TRIM43B: variants seen among roughly 807,000 people sequenced by gnomAD.
The protein encoded by TRIM43B is tripartite motif-containing protein 43B.
Under a neutral mutation model 27.0 loss-of-function variants are expected in TRIM43B, and 15 were observed. The ratio of observed to expected loss-of-function variants is 0.55; its 90% CI spans 0.37 to 0.85. The LOEUF is 0.85. Ranked by LOEUF, TRIM43B falls within the 40% of genes least tolerant of loss-of-function variation. The pLI is 0.00. For synonymous variants in TRIM43B, 69 were observed against 97.8 expected, an observed-to-expected ratio of 0.71 and a Z score of 1.74; for missense variants, 172 against 289.8, an observed-to-expected ratio of 0.59 and a Z score of 2.95.
exon 2 of TRIM43B, chr2:95,482,642 G>A (rs769206493): frequency 6.2e-7 from 1 of 1,613,686 alleles, no homozygotes; most frequent in Non-Finnish European, 8.5e-7. Context: ...ATGGTGACAG[G>A]GTCTACCAGG....
Position 95,481,552 on chromosome 2 carries a change from C to T in TRIM43B, c.507+43G>A, listed in dbSNP as rs764446981. On this transcript the variant is annotated intron_variant, in intron 3 of 6. Coordinates refer to ENST00000639673, the Ensembl canonical transcript of TRIM43B. ...TGCTAATATAAATGTTGTCAGCATG[C>T]CTGTCTCAAGCTGGTCAGGAGGACT... is the stretch of plus-strand genomic sequence containing the variant. The T allele has an allele frequency of 9.4e-6, 14 of 1,482,838 alleles. No homozygotes were observed. In the South Asian group the frequency reaches 1.4e-4, roughly 15 times the overall value. The allele number at this position is 1,482,838 out of a possible 1,614,324, so 91.9% of individuals were successfully genotyped here. A position where few individuals can be genotyped will look rare whatever the true frequency, so the allele number is the denominator to read the frequency against.
intron 3 of TRIM43B, among the ~76,000 whole-genome samples, 166 bp from the exon 4 acceptor site, chr2:95,480,701 A>G (rs1683506159): frequency 6.6e-6 from 1 of 152,046 alleles, no homozygotes; most frequent in South Asian, 2.1e-4. Context: ...ATCAATTCCC[A>G]AACACCTGCA....
exon 4 of TRIM43B, chr2:95,480,337 T>A (rs577958837): frequency 1.2e-6 from 2 of 1,609,554 alleles, no homozygotes; most frequent in Non-Finnish European, 1.7e-6. Flanking sequence ...TTATGACACA[T>A]TTCCATTAGT....
intron 1 of TRIM43B, among the ~76,000 whole-genome samples, chr2:95,483,422 T>G (rs1360880477): frequency 4.6e-5 from 7 of 150,766 alleles, no homozygotes; most frequent in Non-Finnish European, 8.9e-5. Context: ...TACAACATCT[T>G]TAAAAGACAG....
exon 3 of TRIM43B, chr2:95,481,597 T>G: frequency 1.9e-6 from 3 of 1,611,246 alleles, no homozygotes; most frequent in Non-Finnish European, 1.7e-6. Flanking sequence ...ATACTTACCC[T>G]CAAGAGGAAG....
At chr2:95,481,642 T>C (rs767059540) in exon 3 of TRIM43B, 15 of 1,612,852 alleles carry the variant, frequency 9.3e-6, no homozygotes, top group Non-Finnish European at 1.2e-5. Context: ...TTTCTCTGAT[T>C]TTCTTGAATC....
At position 95,480,570 on chromosome 2, in the gene TRIM43B, A is replaced by C. The variant is rs199595900; in HGVS notation, c.508-35T>G. ...TATGAATTTTGTAGGTTATATACCC[A>C]GGCCTACTTCCACCTCACAGAGCCC... On this transcript the variant is annotated intron_variant, in intron 3 of 6. Coordinates refer to ENST00000639673, the Ensembl canonical transcript of TRIM43B. The C allele has an allele frequency of 7.7e-3, 12,319 of 1,601,956 alleles. 83 individuals are homozygous for C. Among genetic ancestry groups the C allele is most frequent in the Non-Finnish European group, 9.0e-3 (10,567 of 1,175,268 alleles).
chr2:95,484,740 G>A (rs1341509137), upstream of TRIM43B: 1 of 151,530 alleles, frequency 6.6e-6, no homozygotes, highest in Non-Finnish European at 1.5e-5. Flanking sequence ...TACTCTGTGG[G>A]CTCTGGAGAA....
At chr2:95,481,722 C>CAA (rs2104401184) in intron 2 of TRIM43B, 32 bp from the exon 3 acceptor site, 1 of 1,599,624 alleles carries the variant, frequency 6.3e-7, no homozygotes, top group Non-Finnish European at 8.5e-7. Context: ...AACAGAAAGT[C>CAA]AAATACCAAA....
In TRIM43B at chr2:95,483,163, C is replaced by T. The variant is rs1211032463; in HGVS notation, c.-4-445G>A. Reference sequence around the variant, plus strand: ...ATTTTATTTAACTATAACAACCATCCATAATGACTTTTCCAGAAGGACATT... The same window carrying T: ...ATTTTATTTAACTATAACAACCATCTATAATGACTTTTCCAGAAGGACATT... On this transcript the variant is annotated intron_variant, in intron 1 of 6. Coordinates refer to ENST00000639673, the Ensembl canonical transcript of TRIM43B. Among the ~76,000 whole-genome samples the T allele has an allele frequency of 1.3e-5, 2 of 152,072 alleles. 1 individual carries two copies. Among genetic ancestry groups the T allele is most frequent in the African/African-American group, 4.8e-5 (2 of 41,412 alleles).
intron 1 of TRIM43B, among the ~76,000 whole-genome samples, chr2:95,484,207 A>G (rs1361197527): frequency 6.6e-6 from 1 of 151,094 alleles, no homozygotes; most frequent in Non-Finnish European, 1.5e-5. Flanking sequence ...CGTCTCTACT[A>G]AAAAAAATAC....
rs1484907578 is a variant in TRIM43B, at chr2:95,480,964, T to A, written c.508-429A>T. On this transcript the variant is annotated intron_variant, in intron 3 of 6. Coordinates refer to ENST00000639673, the Ensembl canonical transcript of TRIM43B. ...CTTAGTAAAAAATTTAACCCCCATC[T>A]CTCAAACCGACTACCTCTTTTCTGT... 2.6e-5 allele frequency among the ~76,000 whole-genome samples: 4 copies of A among 152,066 alleles called. No individual in the cohort carries two copies. The East Asian group carries it at 7.7e-4, about 29-fold the overall frequency.
In TRIM43B at chr2:95,479,424, G is replaced by GA; in HGVS notation, c.739-17dup. ...CTCCCAAATCCTGTAGAGAGAGAGA[G>GA]AAAAAAAAAATGACTTCTTTAGAAA... On this transcript the variant is annotated splice_polypyrimidine_tract_variant and intron_variant, in intron 4 of 6. Transcript: ENST00000639673. 0.013 allele frequency: 1 copy of GA among 78 alleles called. No homozygotes were observed. The highest frequency in any genetic ancestry group is 0.017 in the Non-Finnish European group (1 of 60). 0.0% of individuals were successfully genotyped at this position (78 alleles called of 1,614,324 possible).
At chr2:95,480,050 CCA>C (rs1329172213) in intron 4 of TRIM43B, among the ~76,000 whole-genome samples, 1 of 120,174 alleles carries the variant, frequency 8.3e-6, no homozygotes, top group Non-Finnish European at 1.7e-5. Flanking sequence ...ATTTTTTCTT[CCA>C]GAGTTTTAAT....
chr2:95,480,288 G>A lies in TRIM43B; in HGVS notation c.738+17C>T. On this transcript the variant is annotated intron_variant, in intron 4 of 6. Transcript: ENST00000639673. Reference sequence around the variant, plus strand: ...CAGCTAACACAAAGTGTCTCAAGGGGCATCCTCCATTCTTACCTGGAGCAG... The same window carrying A: ...CAGCTAACACAAAGTGTCTCAAGGGACATCCTCCATTCTTACCTGGAGCAG... 1.3e-6 allele frequency: 2 copies of A among 1,584,694 alleles called. No homozygotes were observed. Among genetic ancestry groups the A allele is most frequent in the Non-Finnish European group, 1.7e-6 (2 of 1,165,554 alleles).
chr2:95,483,739 A>C (rs1454583614), intron 1 of TRIM43B, among the ~76,000 whole-genome samples: 1 of 151,964 alleles, frequency 6.6e-6, no homozygotes, highest in Admixed American at 6.6e-5. Flanking sequence ...GGGCCTGGAG[A>C]ATGGCGTGAA....
chr2:95,482,174 T>C (rs1683538693), intron 2 of TRIM43B, 130 bp downstream of exon 2: 1 of 780,984 alleles, frequency 1.3e-6, no homozygotes, highest in African/African-American at 1.8e-5. Flanking sequence ...CAAAATGTCA[T>C]CATTGGTACC....
intron 4 of TRIM43B, 58 bp downstream of exon 4, chr2:95,480,247 G>A (rs964012646): frequency 1.8e-5 from 27 of 1,497,276 alleles, no homozygotes; most frequent in Non-Finnish European, 2.2e-5. Flanking sequence ...CCAATGGAAG[G>A]CAAAGATGTA....
In TRIM43B at chr2:95,480,499, C is replaced by A. The variant is rs753593295; in HGVS notation, c.544G>T (p.Glu182Ter). 3.7e-6 allele frequency: 6 copies of A among 1,607,810 alleles called. No individual in the cohort carries two copies. The highest frequency in any genetic ancestry group is 5.1e-6 in the Non-Finnish European group (6 of 1,177,228). The stretch of plus-strand genomic sequence containing the variant: ...AGAACCGGATGCAGCTTCCTATACT[C>A]ATTCCTGATCATCTGTGCCCGTAAA... The change falls in exon 4 of 7, where the codon GAG becomes TAG. Residue 182 changes from glutamate (E) to a stop codon, truncating the protein, a stop_gained. Coordinates refer to ENST00000639673, the Ensembl canonical transcript of TRIM43B. LOFTEE classifies it high-confidence loss of function.
Sources: gnomAD v4.1 joint callset for allele counts (sites outside exome capture counted in the v4.1 genomes callset) on GRCh38, gnomAD v4.1.1 for gene constraint, MANE v1.5 for transcripts, NCBI Gene and HGNC (gene_info 2026-07-23, HGNC 2026-07-21) for gene names.